The following PLA2R1 variants were observed in gnomAD, a reference collection of about 807,000 sequenced individuals.
PLA2R1 encodes the protein secretory phospholipase A2 receptor.
PLA2R1 carries 158 observed loss-of-function variants against 195.9 expected under a neutral mutation model. That is an observed-to-expected ratio of 0.81 (90% CI 0.71 to 0.92). The LOEUF is 0.92. Ranked by LOEUF, PLA2R1 falls within the 40% of genes least tolerant of loss-of-function variation. The probability of loss-of-function intolerance (pLI) is 0.00; values close to 1 mark genes in which losing one functional copy is unlikely to be tolerated. For synonymous variants in PLA2R1, 586 were observed against 598.2 expected (o/e 0.98, Z 0.30); for missense variants, 1,626 against 1,764.6 (o/e 0.92, Z 1.41).
chr2:160,018,372 G>C (rs765550650), intron 8 of PLA2R1, among the ~76,000 whole-genome samples: 12 of 152,178 alleles, frequency 7.9e-5, no homozygotes, highest in Non-Finnish European at 1.6e-4. Context: ...GCCAGGCGCG[G>C]TTGCCCATGC....
At chr2:160,044,017 T>C (rs1163479773) in intron 2 of PLA2R1, among the ~76,000 whole-genome samples, 1 of 152,138 alleles carries the variant, frequency 6.6e-6, no homozygotes, top group Non-Finnish European at 1.5e-5. Context: ...TTAGCAGTGC[T>C]ATACAAAAAT....
At chr2:159,965,713 T>A (rs767181659) in intron 20 of PLA2R1, among the ~76,000 whole-genome samples, 7 of 152,204 alleles carry the variant, frequency 4.6e-5, no homozygotes, top group South Asian at 2.1e-4. Flanking sequence ...TGTAAGAAAC[T>A]GCCAAACTGT....
intron 12 of PLA2R1, among the ~76,000 whole-genome samples, chr2:159,986,587 TC>T (rs1403538839): frequency 4.0e-5 from 6 of 150,258 alleles, no homozygotes; most frequent in Non-Finnish European, 5.9e-5. Flanking sequence ...TTCTTTTCTT[TC>T]CTTTTTTTTT....
At chr2:160,034,609 C>T (rs1434175448) in intron 3 of PLA2R1, among the ~76,000 whole-genome samples, 12 of 152,052 alleles carry the variant, frequency 7.9e-5, no homozygotes, top group East Asian at 1.9e-4. Flanking sequence ...GATGGGGGAG[C>T]GGGGGTGTGT....
intron 9 of PLA2R1, among the ~76,000 whole-genome samples, chr2:160,016,031 G>A (rs985650569): frequency 6.6e-6 from 1 of 152,144 alleles, no homozygotes; most frequent in African/African-American, 2.4e-5. Flanking sequence ...TTGGGAGGCT[G>A]AGGCAGTAGA....
At chr2:159,988,443 A>G (rs1690513919) in intron 11 of PLA2R1, among the ~76,000 whole-genome samples, 1 of 152,174 alleles carries the variant, frequency 6.6e-6, no homozygotes, top group Non-Finnish European at 1.5e-5. Context: ...AAGCAATTCT[A>G]ATAAATATAA....
intron 1 of PLA2R1, among the ~76,000 whole-genome samples, chr2:160,046,395 G>A (rs572949849): frequency 3.9e-5 from 6 of 152,316 alleles, no homozygotes; most frequent in South Asian, 2.1e-4. Context: ...GGTTTAGGGC[G>A]GGTCATGTAA....
intron 25 of PLA2R1, among the ~76,000 whole-genome samples, chr2:159,948,513 G>A (rs1687529727): frequency 6.6e-6 from 1 of 151,784 alleles, no homozygotes; most frequent in Admixed American, 6.6e-5. Context: ...GGGATTACTG[G>A]TGTGAGCCAC....
In PLA2R1 at chr2:159,977,361, GCA is replaced by G. The variant is rs779673531; in HGVS notation, c.2322_2323del (p.Ala775CysfsTer3). ...CAATGTTTTGTTTGCCTTATAAACA[GCA>G]CAGTTTCTTGCATCTTCTCCAAAAT... On this transcript the variant is annotated frameshift_variant, in exon 15 of 30. Transcript: ENST00000283243. LOFTEE classifies it high-confidence loss of function. 3.1e-6 allele frequency: 5 copies of G among 1,612,030 alleles called. No homozygotes were observed. The highest frequency in any genetic ancestry group is 1.3e-5 in the African/African-American group (1 of 74,874).
intron 20 of PLA2R1, among the ~76,000 whole-genome samples, chr2:159,962,877 C>A (rs551955451): frequency 6.6e-6 from 1 of 152,136 alleles, no homozygotes; most frequent in Non-Finnish European, 1.5e-5. Context: ...ACACCAGGGC[C>A]TGTTGGGGAC....
chr2:159,944,947 G>A lies in PLA2R1; in HGVS notation c.4103C>T (p.Pro1368Leu), dbSNP rs767770232. The A allele has an allele frequency of 3.5e-5, 57 of 1,612,376 alleles. No individual in the cohort carries two copies. The highest frequency in any genetic ancestry group is 2.0e-4 in the Admixed American group (12 of 59,896). The change falls in exon 28 of 30, where the codon CCG (proline) becomes CTG (leucine). Residue 1368 changes from proline to leucine, a missense_variant. Transcript: ENST00000283243. ...RIPEGLWQLS[P>L]CQEKKGFICK... Reference sequence around the variant, plus strand: ...TATAAAGCCTTTTTTTTCTTGACACGGGGATAGCTGCCATAATCCTTCAGG... The same window carrying A: ...TATAAAGCCTTTTTTTTCTTGACACAGGGATAGCTGCCATAATCCTTCAGG...
chr2:159,971,472 G>T (rs528881626), intron 17 of PLA2R1, among the ~76,000 whole-genome samples: 1 of 126,970 alleles, frequency 7.9e-6, no homozygotes, highest in Admixed American at 7.5e-5. Context: ...ACGTGTGTGC[G>T]CGCACACACA....
intron 8 of PLA2R1, among the ~76,000 whole-genome samples, chr2:160,019,685 G>T (rs764187020): frequency 6.6e-6 from 1 of 152,012 alleles, no homozygotes; most frequent in African/African-American, 2.4e-5. Flanking sequence ...CATCTCTTAC[G>T]ACCTCCTCAC....
chr2:160,028,750 C>T (rs1693672572), intron 5 of PLA2R1, 100 bp downstream of exon 5: 4 of 717,726 alleles, frequency 5.6e-6, no homozygotes, highest in Non-Finnish European at 9.9e-6. Flanking sequence ...TGTTTATACA[C>T]TACTCTCAAA....
intron 20 of PLA2R1, among the ~76,000 whole-genome samples, chr2:159,961,408 A>T (rs1014553263): frequency 6.6e-6 from 1 of 152,152 alleles, no homozygotes; most frequent in East Asian, 1.9e-4. Flanking sequence ...AAAAATACGG[A>T]TGCCTGGATC....
At chr2:160,047,500 G>T (rs180923721) in intron 1 of PLA2R1, among the ~76,000 whole-genome samples, 13 of 152,278 alleles carry the variant, frequency 8.5e-5, no homozygotes, top group African/African-American at 2.9e-4. Flanking sequence ...TGCAGTTTCT[G>T]CAGCACACAG....
intron 13 of PLA2R1, among the ~76,000 whole-genome samples, chr2:159,981,216 C>CGTGTGTGTGTGTGT (rs3061613): frequency 5.4e-5 from 8 of 148,212 alleles, no homozygotes; most frequent in Non-Finnish European, 1.0e-4. Context: ...TATGTGCATA[C>CGTGTGTGTGTGTGT]GTGTGTGTGT....
chr2:160,026,507 C>G (rs1693533961), intron 6 of PLA2R1, among the ~76,000 whole-genome samples: 1 of 152,112 alleles, frequency 6.6e-6, no homozygotes, highest in Admixed American at 6.5e-5. Flanking sequence ...CCAGGTGGGG[C>G]TTTCAGGAAC....
At chr2:159,973,120 A>G (rs1465168581) in intron 17 of PLA2R1, among the ~76,000 whole-genome samples, 1 of 152,168 alleles carries the variant, frequency 6.6e-6, no homozygotes, top group Non-Finnish European at 1.5e-5. Flanking sequence ...AATGTGAGAC[A>G]GAAGTGAGTG....
Sources: allele counts gnomAD v4.1 joint callset (sites outside exome capture counted in the v4.1 genomes callset), GRCh38; gene constraint gnomAD v4.1.1; transcripts MANE v1.5; gene names NCBI Gene and HGNC (gene_info 2026-07-23, HGNC 2026-07-21).